The following ETNK2 variants were observed in gnomAD, a reference collection of about 807,000 sequenced individuals.
ETNK2 encodes the protein ethanolamine kinase 2.
In ETNK2, 33 loss-of-function variants were observed where a neutral mutation model predicts 46.2. That is an observed-to-expected ratio of 0.71 (90% CI 0.54 to 0.96). The LOEUF (loss-of-function observed/expected upper bound fraction) is 0.96. ETNK2 is among the 40% of genes least tolerant of loss of function. The pLI, the probability that ETNK2 is intolerant of heterozygous loss-of-function variation, is 0.00. For synonymous variants in ETNK2, 194 were observed against 209.0 expected (o/e 0.93, Z 0.62); for missense variants, 445 against 509.7 (o/e 0.87, Z 1.22).
intron 3 of ETNK2, among the ~76,000 whole-genome samples, chr1:204,145,375 C>CCA (rs1406958638): frequency 1.3e-5 from 2 of 152,240 alleles, no homozygotes; most frequent in African/African-American, 4.8e-5. Context: ...TGCTAAGCTG[C>CCA]CACTGATCAG....
intron 4 of ETNK2, 59 bp from the exon 5 acceptor site, chr1:204,140,177 G>A (rs947486309): frequency 3.3e-5 from 48 of 1,455,480 alleles, no homozygotes; most frequent in Non-Finnish European, 1.7e-5. Flanking sequence ...ACAGAGCCTG[G>A]TCAAGCTTCC....
Position 204,140,099 on chromosome 1 carries a change from G to A in ETNK2, c.804C>T (p.Asp268=), listed in dbSNP as rs779908230. 1.2e-6 allele frequency: 2 copies of A among 1,613,880 alleles called. No individual in the cohort carries two copies. Residue 268 remains aspartate (D), a synonymous_variant, in exon 5 of 8, where the codon GAC becomes GAT. Transcript: ENST00000367202. Reference sequence around the variant, plus strand: ...GGTAGTTGTAGCCAGCATATTCATAGTCAATGAACCGCACGTGACCTATGA... The same window carrying A: ...GGTAGTTGTAGCCAGCATATTCATAATCAATGAACCGCACGTGACCTATGA... ...DSIKGHVRFI[D]YEYAGYNYQA... is the part of the protein sequence containing the mutation.
At chr1:204,149,121 A>G (rs1415132821) in intron 2 of ETNK2, among the ~76,000 whole-genome samples, 3 of 152,052 alleles carry the variant, frequency 2.0e-5, no homozygotes, top group African/African-American at 7.2e-5. Flanking sequence ...ACATCCAAGC[A>G]TTTACTGGGA....
chr1:204,146,053 G>A (rs1657766929), intron 3 of ETNK2, among the ~76,000 whole-genome samples: 2 of 152,188 alleles, frequency 1.3e-5, no homozygotes, highest in African/African-American at 4.8e-5. Context: ...AGCAGTGAAG[G>A]AAGCAGCAAG....
intron 6 of ETNK2, among the ~76,000 whole-genome samples, chr1:204,135,463 C>T (rs773372308): frequency 2.6e-5 from 4 of 152,168 alleles, no homozygotes; most frequent in East Asian, 1.9e-4. Flanking sequence ...CAGGGAGCTG[C>T]GGTTCCCGTC....
intron 6 of ETNK2, 65 bp downstream of exon 6, chr1:204,137,039 T>G: frequency 6.3e-7 from 1 of 1,583,392 alleles, no homozygotes; most frequent in Non-Finnish European, 8.6e-7. Context: ...GGAGGCTAGG[T>G]GGGTCACCAG....
intron 3 of ETNK2, chr1:204,142,232 T>C (rs1050774454): frequency 1.3e-5 from 2 of 152,244 alleles, no homozygotes; most frequent in African/African-American, 4.8e-5. Context: ...GGCTCCCCAT[T>C]GACTCATCCC....
intron 6 of ETNK2, 130 bp downstream of exon 6, chr1:204,136,973 GT>G: frequency 7.9e-7 from 1 of 1,259,754 alleles, no homozygotes; most frequent in Non-Finnish European, 1.1e-6. Flanking sequence ...CTAGGGTGGG[GT>G]CAGGAGCCAG....
rs1658031114 is a variant in ETNK2 at position 204,152,039 on chromosome 1, G to A, written c.-187C>T. On this transcript the variant is annotated 5_prime_UTR_variant, in exon 1 of 8. Transcript: ENST00000367202. This position sits in a 1 kb window ranked among gnomAD's most constrained non-coding sequence, Gnocchi z 4.2. ...ACCCCGGAGCGCCGCGGCCCGCCGCGATTGTGACATCACGGGCGGTGGCCC... is the reference window on the plus strand; with the variant it reads ...ACCCCGGAGCGCCGCGGCCCGCCGCAATTGTGACATCACGGGCGGTGGCCC... 2 of 502,464 alleles carry A rather than the reference G, an allele frequency of 4.0e-6. No individual in the cohort carries two copies. Among genetic ancestry groups the A allele is most frequent in the Non-Finnish European group, 6.1e-6 (2 of 328,488 alleles). The allele number at this position is 502,464 out of a possible 1,614,324, so 31.1% of individuals were successfully genotyped here.
intron 2 of ETNK2, among the ~76,000 whole-genome samples, chr1:204,148,257 G>A (rs905936133): frequency 6.6e-6 from 1 of 152,078 alleles, no homozygotes; most frequent in Non-Finnish European, 1.5e-5. Flanking sequence ...CAGATGTCAC[G>A]TTCTTCTTCT....
rs2102291017 is a variant in ETNK2, at chr1:204,141,304, A to G, written c.784+11T>C. 6.2e-7 allele frequency: 1 copy of G among 1,614,036 alleles called. No individual in the cohort carries two copies. Among genetic ancestry groups the G allele is most frequent in the East Asian group, 2.2e-5 (1 of 44,886 alleles). On this transcript the variant is annotated intron_variant, in intron 4 of 7. Transcript: ENST00000367202. ...AACCCTGCTGCTGCCCCAGGGCCAGAGAAGCCATACCTTTGATGCTGTCAT... is the reference window on the plus strand; with the variant it reads ...AACCCTGCTGCTGCCCCAGGGCCAGGGAAGCCATACCTTTGATGCTGTCAT...
Position 204,151,424 on chromosome 1 carries a change from GT to G in ETNK2, c.258+170del. On this transcript the variant is annotated intron_variant, in intron 1 of 7. Transcript: ENST00000367202. The surrounding 1 kb of genome is among the most constrained non-coding windows in gnomAD (Gnocchi z 8.0). ...CAGGGCCAAGGGAGGTGTGAGCCTA[GT>G]TTTGGTAGCGACGAAATCAATCCGT... The G allele has an allele frequency of 9.9e-7, 1 of 1,008,112 alleles. No homozygotes were observed. Among genetic ancestry groups the G allele is most frequent in the Non-Finnish European group, 1.4e-6 (1 of 705,424 alleles). The allele number at this position is 1,008,112 out of a possible 1,614,324, so 62.4% of individuals were successfully genotyped here. A position where few individuals can be genotyped will look rare whatever the true frequency, so the allele number is the denominator to read the frequency against.
rs574964789 is a variant in ETNK2 at position 204,132,164 on chromosome 1, G to T, written c.*20C>A. 6.4e-7 allele frequency: 1 copy of T among 1,555,966 alleles called. No individual in the cohort carries two copies. Among genetic ancestry groups the T allele is most frequent in the African/African-American group, 1.4e-5 (1 of 73,600 alleles). On this transcript the variant is annotated 3_prime_UTR_variant, in exon 8 of 8. Coordinates refer to ENST00000367202, the MANE Select transcript of ETNK2 (RefSeq NM_018208.4). ...CAGGTCTGGCCAGACAGATGGGTAG[G>T]GGAGGGATGGGGTGGCTGGTCACTT...
chr1:204,151,917 G>A lies in ETNK2; in HGVS notation c.-65C>T, dbSNP rs1459465284. The A allele has an allele frequency of 3.6e-6, 5 of 1,395,054 alleles. No individual in the cohort carries two copies. Among genetic ancestry groups the A allele is most frequent in the East Asian group, 5.8e-5 (2 of 34,524 alleles). The allele number at this position is 1,395,054 out of a possible 1,614,324, so 86.4% of individuals were successfully genotyped here. A position where few individuals can be genotyped will look rare whatever the true frequency, so the allele number is the denominator to read the frequency against. The stretch of plus-strand genomic sequence containing the variant: ...AGCCCCGGCGGGGGGGTCCGGCGAG[G>A]GAGTGGGAGTGGTAGAGGAGGGGCC... On this transcript the variant is annotated 5_prime_UTR_variant, in exon 1 of 8. Coordinates refer to ENST00000367202, the MANE Select transcript of ETNK2 (RefSeq NM_018208.4). The surrounding 1 kb of genome is among the most constrained non-coding windows in gnomAD (Gnocchi z 8.0).
rs74139467 is a variant in ETNK2, at chr1:204,141,252, C to T, written c.784+63G>A. ...CAAGTGCCAGCCGGAAGAACAGCTCCGTGAAGCCAGCTAACCAACCAACCA... is the reference window on the plus strand; with the variant it reads ...CAAGTGCCAGCCGGAAGAACAGCTCTGTGAAGCCAGCTAACCAACCAACCA... On this transcript the variant is annotated intron_variant, in intron 4 of 7. Transcript: ENST00000367202. The T allele has an allele frequency of 1.8e-3, 2,957 of 1,608,906 alleles. 36 individuals are homozygous for T. In the African/African-American group the frequency reaches 0.034, roughly 19 times the overall value.
In ETNK2 at chr1:204,132,208, C is replaced by A; in HGVS notation, c.1137G>T (p.Ala379=). 1 of 1,573,982 alleles carries A rather than the reference C, an allele frequency of 6.4e-7. No individual in the cohort carries two copies. The highest frequency in any genetic ancestry group is 8.6e-7 in the Non-Finnish European group (1 of 1,159,448). Residue 379 remains alanine, a synonymous_variant, in exon 8 of 8, where the codon GCG becomes GCT. Coordinates refer to ENST00000367202, the MANE Select transcript of ETNK2 (RefSeq NM_018208.4). Reference sequence around the variant, plus strand: ...GTCACTTTGGCATCTCCAAGGCTGACGCTTGAGGCTTCACCTTGAAGTACT... The same window carrying A: ...GTCACTTTGGCATCTCCAAGGCTGAAGCTTGAGGCTTCACCTTGAAGTACT... ...FNQYFKVKPQ[A]SALEMPK
chr1:204,149,798 G>A lies in ETNK2; in HGVS notation c.423C>T (p.Pro141=), dbSNP rs781729192. 2.5e-6 allele frequency: 4 copies of A among 1,608,052 alleles called. No homozygotes were observed. Among genetic ancestry groups the A allele is most frequent in the South Asian group, 1.1e-5 (1 of 89,498 alleles). ...FQLLRAHSCA[P]KLYCTFQNGL... is the part of the protein sequence containing the mutation. ...CATTCTGGAAGGTGCAGTAGAGTTTGGGGGCACAGCTGTGTGCTCGCAGCA... is the reference window on the plus strand; with the variant it reads ...CATTCTGGAAGGTGCAGTAGAGTTTAGGGGCACAGCTGTGTGCTCGCAGCA... The change falls in exon 2 of 8, where the codon CCC becomes CCT. Residue 141 remains proline, a synonymous_variant. Transcript: ENST00000367202.
rs943083092 is a variant in ETNK2 at position 204,151,734 on chromosome 1, C to T, written c.119G>A (p.Arg40Gln). The T allele has an allele frequency of 5.9e-6, 9 of 1,533,746 alleles. No individual in the cohort carries two copies. The African/African-American group carries it at 8.3e-5, about 14-fold the overall frequency. ...GGCCCTCGGGGGGCCCGGCGGCTCCCGGCAGCTGGCGCTGGCCGCCGCCTT... is the reference window on the plus strand; with the variant it reads ...GGCCCTCGGGGGGCCCGGCGGCTCCTGGCAGCTGGCGCTGGCCGCCGCCTT... ...EEKAAASASC[R>Q]EPPGPPRAAA... is the part of the protein sequence containing the mutation. The change falls in exon 1 of 8, where the codon CGG becomes CAG. Residue 40 changes from arginine (R) to glutamine (Q), a missense_variant. Physicochemically the swap from Arg to Gln is conservative, Grantham distance 43. Transcript: ENST00000367202. This position sits in a 1 kb window ranked among gnomAD's most constrained non-coding sequence, Gnocchi z 8.0.
intron 4 of ETNK2, 83 bp from the exon 5 acceptor site, chr1:204,140,201 A>G: frequency 8.8e-7 from 1 of 1,141,838 alleles, no homozygotes; most frequent in Non-Finnish European, 1.3e-6. Context: ...GACCTCTGGG[A>G]TGCACCCACT....
Sources: allele counts gnomAD v4.1 joint callset (sites outside exome capture counted in the v4.1 genomes callset), GRCh38; gene constraint gnomAD v4.1.1; non-coding constraint Gnocchi (gnomAD v3.1); transcripts MANE v1.5; gene names NCBI Gene and HGNC (gene_info 2026-07-23, HGNC 2026-07-21).